Variants in TMEM259 observed in about 807,000 individuals in gnomAD.
TMEM259 encodes transmembrane protein 259, also known as membralin.
In TMEM259, 26 loss-of-function variants were observed where a neutral mutation model predicts 46.7. The observed-to-expected ratio is 0.56, with a 90% CI of 0.41 to 0.77. The LOEUF (loss-of-function observed/expected upper bound fraction) is 0.77, where lower values mean the gene tolerates loss of function less well. Among genes scored for constraint, TMEM259 ranks in the 30% least tolerant of loss-of-function variants. The pLI is 0.00. For synonymous variants in TMEM259, 494 were observed against 395.1 expected (o/e 1.25, Z -2.97); for missense variants, 930 against 900.5 (o/e 1.03, Z -0.42).
Position 1,009,884 on chromosome 19 carries a change from A to G in TMEM259, c.*466T>C, listed in dbSNP as rs1058603. The G allele has an allele frequency of 0.56, 207,983 of 370,292 alleles. 59,856 individuals are homozygous for G. Among genetic ancestry groups the G allele is most frequent in the African/African-American group, 0.68 (32,178 of 47,290 alleles). 22.9% of individuals were successfully genotyped at this position (370,292 alleles called of 1,614,324 possible). A position where few individuals can be genotyped will look rare whatever the true frequency, so the allele number is the denominator to read the frequency against. ...AAGCTCTGCTCTCCCGGGGACCCCA[A>G]GCCTGGCGCACACGCGGGGAGGGCG... On this transcript the variant is annotated 3_prime_UTR_variant, in exon 11 of 11. Coordinates refer to ENST00000356663, the MANE Select transcript of TMEM259 (RefSeq NM_001033026.2).
chr19:1,019,842 G>A (rs1483004447), intron 1 of TMEM259, among the ~76,000 whole-genome samples: 1 of 152,154 alleles, frequency 6.6e-6, no homozygotes, highest in South Asian at 2.1e-4. Flanking sequence ...TCCCCATTTC[G>A]CCAGGTGGCC....
Position 1,009,659 on chromosome 19 carries a change from C to CA in TMEM259, c.*690dup. On this transcript the variant is annotated 3_prime_UTR_variant, in exon 11 of 11. Transcript: ENST00000356663. ...CACACACAGCGCAGTGAGCCGCTGT[C>CA]AACAGACAGTTTATTCTATATACAA... 1.6e-6 allele frequency: 2 copies of CA among 1,278,470 alleles called. No homozygotes were observed. Among genetic ancestry groups the CA allele is most frequent in the Non-Finnish European group, 2.0e-6 (2 of 988,052 alleles). 79.2% of individuals were successfully genotyped at this position (1,278,470 alleles called of 1,614,324 possible). A position where few individuals can be genotyped will look rare whatever the true frequency, so the allele number is the denominator to read the frequency against.
rs1226898238 is a variant in TMEM259 at position 1,012,184 on chromosome 19, G to T, written c.723C>A (p.Pro241=). 3.8e-6 allele frequency: 6 copies of T among 1,599,142 alleles called. No individual in the cohort carries two copies. The highest frequency in any genetic ancestry group is 1.8e-4 in the Middle Eastern group (1 of 5,532). The part of the protein sequence containing the change: ...SIPVMVVTLD[P]TRDQCFGDRF... ...GGTCCCCGAAGCACTGGTCCCGCGT[G>T]GGGTCTGCGGGTGGGTGAATCAGGG... The change falls in exon 5 of 11, where the codon CCC becomes CCA. Residue 241 remains proline (P), a synonymous_variant. Coordinates refer to ENST00000356663, the MANE Select transcript of TMEM259 (RefSeq NM_001033026.2).
Position 1,010,065 on chromosome 19 carries a change from G to A in TMEM259, c.*285C>T, listed in dbSNP as rs2038848402. ...TGGGACCCCACTCCATCCTCAGGACGGTTCACTGCAGACCTACCAAGACCC... is the reference window on the plus strand; with the variant it reads ...TGGGACCCCACTCCATCCTCAGGACAGTTCACTGCAGACCTACCAAGACCC... On this transcript the variant is annotated 3_prime_UTR_variant, in exon 11 of 11. Coordinates refer to ENST00000356663, the MANE Select transcript of TMEM259 (RefSeq NM_001033026.2). 1 of 427,470 alleles carries A rather than the reference G, an allele frequency of 2.3e-6. No individual in the cohort carries two copies. The highest frequency in any genetic ancestry group is 4.3e-5 in the Admixed American group (1 of 23,330). 26.5% of individuals were successfully genotyped at this position (427,470 alleles called of 1,614,324 possible).
intron 1 of TMEM259, among the ~76,000 whole-genome samples, 186 bp from the exon 2 acceptor site, chr19:1,014,659 C>T (rs985739144): frequency 2.6e-5 from 4 of 152,192 alleles, no homozygotes; most frequent in Non-Finnish European, 4.4e-5. Flanking sequence ...ACCGGGCCAG[C>T]CCCTCACATA....
rs560277415 is a variant in TMEM259 at position 1,010,913 on chromosome 19, G to C, written c.1318-18C>G. On this transcript the variant is annotated intron_variant, in intron 10 of 10. Transcript: ENST00000356663. ...ATGGAATGCTGCGGGAGGGAGAGTG[G>C]GAGTCAGGACGGGCCCGCCCCTGCC... 1.3e-6 allele frequency: 2 copies of C among 1,573,708 alleles called. No homozygotes were observed. Among genetic ancestry groups the C allele is most frequent in the Non-Finnish European group, 1.7e-6 (2 of 1,164,434 alleles).
At chr19:1,013,593 C>T (rs559339121) in intron 2 of TMEM259, 2 of 472,812 alleles carry the variant, frequency 4.2e-6, no homozygotes, top group Admixed American at 3.4e-5. Flanking sequence ...CAGCTACAGG[C>T]AGTAGACCCC....
Position 1,010,322 on chromosome 19 carries a change from G to A in TMEM259, c.*28C>T. 1 of 1,443,174 alleles carries A rather than the reference G, an allele frequency of 6.9e-7. No individual in the cohort carries two copies. Among genetic ancestry groups the A allele is most frequent in the Non-Finnish European group, 9.0e-7 (1 of 1,106,994 alleles). The allele number at this position is 1,443,174 out of a possible 1,614,324, so 89.4% of individuals were successfully genotyped here. On this transcript the variant is annotated 3_prime_UTR_variant, in exon 11 of 11. Coordinates refer to ENST00000356663, the MANE Select transcript of TMEM259 (RefSeq NM_001033026.2). ...TCGGGAAGGTCAGGCCCAGCCAGCA[G>A]GGGTCAGAGGCGGCTCAGCTGTGCG...
Position 1,010,416 on chromosome 19 carries a change from AG to A in TMEM259, c.1796del (p.Ala599ValfsTer3), listed in dbSNP as rs750887241. The A allele has an allele frequency of 3.4e-5, 52 of 1,519,876 alleles. No homozygotes were observed. Among genetic ancestry groups the A allele is most frequent in the Non-Finnish European group, 4.6e-5 (52 of 1,137,714 alleles). 94.1% of individuals were successfully genotyped at this position (1,519,876 alleles called of 1,614,324 possible). On this transcript the variant is annotated frameshift_variant, in exon 11 of 11. Transcript: ENST00000356663. LOFTEE classifies it low-confidence loss of function (END_TRUNC). ...SAASDTTPLG[A>X]AVGGPSPASM... The stretch of plus-strand genomic sequence containing the variant: ...AGGCCGGGCTAGGCCCGCCTACCGC[AG>A]CCCCCAGGGGAGTTGTGTCAGAAGC...
At chr19:1,017,214 G>A (rs1330395926) in intron 1 of TMEM259, 5 of 399,588 alleles carry the variant, frequency 1.3e-5, no homozygotes, top group East Asian at 3.6e-5. Context: ...CACCAGGCCC[G>A]GCCCTGAGCC....
Position 1,010,099 on chromosome 19 carries a change from C to G in TMEM259, c.*251G>C, listed in dbSNP as rs780680909. 6 of 492,632 alleles carry G rather than the reference C, an allele frequency of 1.2e-5. No homozygotes were observed. In the South Asian group the frequency reaches 1.3e-4, roughly 11 times the overall value. The allele number at this position is 492,632 out of a possible 1,614,324, so 30.5% of individuals were successfully genotyped here. On this transcript the variant is annotated 3_prime_UTR_variant, in exon 11 of 11. Transcript: ENST00000356663. ...CAGACCTACCAAGACCCCTCCAGAA[C>G]CTTCCGCGGAACCCCACCCCCTCTC...
At chr19:1,017,492 C>G in intron 1 of TMEM259, 1 of 398,810 alleles carries the variant, frequency 2.5e-6, no homozygotes, top group Non-Finnish European at 4.4e-6. Context: ...TGGCTCACCT[C>G]CAGGAGGCCC....
intron 1 of TMEM259, among the ~76,000 whole-genome samples, chr19:1,019,648 G>A (rs1163357065): frequency 2.0e-5 from 3 of 152,184 alleles, no homozygotes; most frequent in African/African-American, 4.8e-5. Flanking sequence ...CACTTGCCGA[G>A]CCCAAAAAAG....
rs538161277 is a variant in TMEM259 at position 1,009,856 on chromosome 19, C to T, written c.*494G>A. On this transcript the variant is annotated 3_prime_UTR_variant, in exon 11 of 11. Coordinates refer to ENST00000356663, the MANE Select transcript of TMEM259 (RefSeq NM_001033026.2). ...GCACCCCACGTCCCTATGCCCGAGG[C>T]GCAAGCTCTGCTCTCCCGGGGACCC... 34 of 407,624 alleles carry T rather than the reference C, an allele frequency of 8.3e-5. No homozygotes were observed. Among genetic ancestry groups the T allele is most frequent in the Middle Eastern group, 6.5e-4 (1 of 1,548 alleles). 25.3% of individuals were successfully genotyped at this position (407,624 alleles called of 1,614,324 possible).
In TMEM259 at chr19:1,009,716, T is replaced by A; in HGVS notation, c.*634A>T. ...TTTTGTACACTGCAATTAAATAGAATGGAATGAGCGCTCCTCCGCATTCCT... is the reference window on the plus strand; with the variant it reads ...TTTTGTACACTGCAATTAAATAGAAAGGAATGAGCGCTCCTCCGCATTCCT... On this transcript the variant is annotated 3_prime_UTR_variant, in exon 11 of 11. Coordinates refer to ENST00000356663, the MANE Select transcript of TMEM259 (RefSeq NM_001033026.2). The A allele has an allele frequency of 1.1e-6, 1 of 921,424 alleles. No individual in the cohort carries two copies. Among genetic ancestry groups the A allele is most frequent in the East Asian group, 3.3e-5 (1 of 29,896 alleles). The allele number at this position is 921,424 out of a possible 1,614,324, so 57.1% of individuals were successfully genotyped here.
rs778985160 is a variant in TMEM259, at chr19:1,013,269, C to G, written c.579G>C (p.Glu193Asp). Residue 193 changes from glutamate (E) to aspartate (D), a missense_variant, in exon 3 of 11, where the codon GAG (glutamate) becomes GAC (aspartate). Glu to Asp is a conservative substitution (Grantham distance 45, BLOSUM62 2). Transcript: ENST00000356663. ...SSTEALNDSQ[E>D]FPFPETPTKV... is the part of the protein sequence containing the mutation. ...TGGTGGGCGTCTCGGGGAAGGGGAA[C>G]TCCTGGCTGTCATTCAGGGCCTCTG... is the stretch of plus-strand genomic sequence containing the variant. The G allele has an allele frequency of 1.2e-6, 2 of 1,613,754 alleles. No homozygotes were observed. The highest frequency in any genetic ancestry group is 2.7e-5 in the African/African-American group (2 of 74,924).
At chr19:1,016,410 C>T (rs573384036) in intron 1 of TMEM259, among the ~76,000 whole-genome samples, 4 of 152,362 alleles carry the variant, frequency 2.6e-5, no homozygotes, top group South Asian at 2.1e-4. Flanking sequence ...CACAGCCCCT[C>T]GGCTCAGCAC....
At chr19:1,015,232 C>T (rs1342026740) in intron 1 of TMEM259, among the ~76,000 whole-genome samples, 1 of 152,246 alleles carries the variant, frequency 6.6e-6, no homozygotes, top group Non-Finnish European at 1.5e-5. Flanking sequence ...CGAGGCACAA[C>T]CTATGAACTG....
chr19:1,013,865 C>T (rs1414860741), intron 2 of TMEM259, among the ~76,000 whole-genome samples: 2 of 152,146 alleles, frequency 1.3e-5, no homozygotes, highest in African/African-American at 4.8e-5. Context: ...CAGGCCTCCT[C>T]AGCTATTGCT....
Sources: gnomAD v4.1 joint callset for allele counts (sites outside exome capture counted in the v4.1 genomes callset) on GRCh38, gnomAD v4.1.1 for gene constraint, MANE v1.5 for transcripts, NCBI Gene and HGNC (gene_info 2026-07-23, HGNC 2026-07-21) for gene names.